LIPE: variants seen among roughly 807,000 people sequenced by gnomAD.
LIPE encodes the protein lipase E, hormone sensitive type.
Under a neutral mutation model 88.5 loss-of-function variants are expected in LIPE, and 66 were observed. The ratio of observed to expected loss-of-function variants is 0.75; its 90% CI spans 0.61 to 0.91. The LOEUF is 0.91. LIPE is among the 40% of genes least tolerant of loss of function. The pLI is 0.00. For missense variants in LIPE, 1,346 were observed against 1,434.7 expected (o/e 0.94, Z 1.00); for synonymous variants, 570 against 617.5 (o/e 0.92, Z 1.14).
chr19:42,413,775 T>C (rs2040433147), intron 1 of LIPE, among the ~76,000 whole-genome samples: 1 of 152,214 alleles, frequency 6.6e-6, no homozygotes, highest in African/African-American at 2.4e-5. Context: ...TCCCGGACTG[T>C]CATCCCCCAG....
chr19:42,402,259 T>C (rs2040003551), intron 9 of LIPE, among the ~76,000 whole-genome samples, 184 bp from the exon 10 acceptor site: 1 of 151,796 alleles, frequency 6.6e-6, no homozygotes, highest in Non-Finnish European at 1.5e-5. Flanking sequence ...GGGGGAGTTG[T>C]GGGAAGGATG....
At chr19:42,422,948 C>G (rs2040628464) in intron 1 of LIPE, 1 of 165,828 alleles carries the variant, frequency 6.0e-6, no homozygotes, top group African/African-American at 2.4e-5. Flanking sequence ...CCCCGCTGCA[C>G]TCTCCACTAT....
rs34037140 is a variant in LIPE at position 42,423,786 on chromosome 19, C to T, written c.883+2481G>A. On this transcript the variant is annotated intron_variant, in intron 1 of 9. Transcript: ENST00000244289. ...GGGCTCGCGGCCAACAAAAAGGCAA[C>T]CCCGGGGGTGGCGAAAAGCGTCCTT... 1,740 of 1,110,390 alleles carry T rather than the reference C, an allele frequency of 1.6e-3. 28 individuals are homozygous for T. The African/African-American group carries it at 0.027, about 17-fold the overall frequency. The allele number at this position is 1,110,390 out of a possible 1,614,324, so 68.8% of individuals were successfully genotyped here. A position where few individuals can be genotyped will look rare whatever the true frequency, so the allele number is the denominator to read the frequency against.
At chr19:42,416,744 C>T (rs1258125739) in intron 1 of LIPE, among the ~76,000 whole-genome samples, 1 of 152,188 alleles carries the variant, frequency 6.6e-6, no homozygotes, top group Admixed American at 6.5e-5. Flanking sequence ...ATTTCAAGCC[C>T]ACTGTTGAGA....
At chr19:42,413,187 A>G (rs560885401) in intron 1 of LIPE, among the ~76,000 whole-genome samples, 2 of 152,246 alleles carry the variant, frequency 1.3e-5, no homozygotes, top group Admixed American at 6.5e-5. Flanking sequence ...TAAGATATGC[A>G]CGCCCCCGTT....
chr19:42,408,371 G>A lies in LIPE; in HGVS notation c.1420-49C>T, dbSNP rs754054989. On this transcript the variant is annotated intron_variant, in intron 2 of 9. Coordinates refer to ENST00000244289, the MANE Select transcript of LIPE (RefSeq NM_005357.4). This position sits in a 1 kb window ranked among gnomAD's most constrained non-coding sequence, Gnocchi z 4.3. ...ACCCACCGCTCAAGAGAGGGATGGG[G>A]ACAGGGCAGGAGCGAGGCACAGGGA... 6.8e-7 allele frequency: 1 copy of A among 1,462,200 alleles called. No homozygotes were observed. Among genetic ancestry groups the A allele is most frequent in the South Asian group, 1.1e-5 (1 of 88,024 alleles). 90.6% of individuals were successfully genotyped at this position (1,462,200 alleles called of 1,614,324 possible).
intron 1 of LIPE, chr19:42,423,397 C>T: frequency 7.8e-7 from 1 of 1,288,900 alleles, no homozygotes; most frequent in South Asian, 1.2e-5. Context: ...TTCCGGGCTG[C>T]TGCCGGTCTC....
intron 1 of LIPE, among the ~76,000 whole-genome samples, chr19:42,420,961 C>T (rs941741591): frequency 1.3e-5 from 2 of 152,014 alleles, no homozygotes; most frequent in South Asian, 2.1e-4. Context: ...TAGAGTGGTG[C>T]GATCACAGCT....
chr19:42,422,118 C>A (rs1317920369), intron 1 of LIPE, among the ~76,000 whole-genome samples: 3 of 152,340 alleles, frequency 2.0e-5, no homozygotes, highest in African/African-American at 7.2e-5. Flanking sequence ...AAGGCAGATA[C>A]AGCCCTGCTT....
chr19:42,415,217 G>C (rs921315264), intron 1 of LIPE, among the ~76,000 whole-genome samples: 1 of 152,074 alleles, frequency 6.6e-6, no homozygotes, highest in Non-Finnish European at 1.5e-5. Flanking sequence ...GGAAAATAGA[G>C]CGAGAGTCTG....
intron 1 of LIPE, among the ~76,000 whole-genome samples, chr19:42,420,864 A>G (rs1473509260): frequency 1.3e-5 from 2 of 151,664 alleles, no homozygotes; most frequent in African/African-American, 4.8e-5. Flanking sequence ...AAAGCCCCCA[A>G]TCCTGCACAT....
Position 42,407,783 on chromosome 19 carries a change from G to C in LIPE, c.1665C>G (p.Ala555=). The C allele has an allele frequency of 6.5e-7, 1 of 1,547,270 alleles. No homozygotes were observed. The highest frequency in any genetic ancestry group is 8.7e-7 in the Non-Finnish European group (1 of 1,145,906). Reference sequence around the variant, plus strand: ...CCCTCACGGTGGCCGATGCCATGTTGGCCAGAGACTGGAGGGAGGGGACAG... The same window carrying C: ...CCCTCACGGTGGCCGATGCCATGTTCGCCAGAGACTGGAGGGAGGGGACAG... ...ITEMEVLSSL[A]NMASATVRVS... The change falls in exon 5 of 10, where the codon GCC becomes GCG. Residue 555 remains alanine, a synonymous_variant. Transcript: ENST00000244289. The surrounding 1 kb of genome is among the most constrained non-coding windows in gnomAD (Gnocchi z 5.8).
rs754395328 is a variant in LIPE at position 42,402,672 on chromosome 19, G to C, written c.2902C>G (p.Pro968Ala). ...GGTGCCAGCAGCGGCGACATGAAGG[G>C]GTTCTTGACTATGGGTGAGGAGTAG... ...PLYSSPIVKNPFMSPLLAPDS... is the reference protein window; with the variant it reads ...PLYSSPIVKNAFMSPLLAPDS... Residue 968 changes from proline to alanine, a missense_variant, in exon 9 of 10, where the codon CCC (proline) becomes GCC (alanine). Pro to Ala is a conservative substitution (Grantham distance 27). Transcript: ENST00000244289. The C allele has an allele frequency of 8.0e-6, 12 of 1,505,996 alleles. No homozygotes were observed. The highest frequency in any genetic ancestry group is 9.8e-6 in the Non-Finnish European group (11 of 1,125,510). The allele number at this position is 1,505,996 out of a possible 1,614,324, so 93.3% of individuals were successfully genotyped here. A position where few individuals can be genotyped will look rare whatever the true frequency, so the allele number is the denominator to read the frequency against.
chr19:42,403,341 CTAGA>C (rs1409257375), intron 8 of LIPE, among the ~76,000 whole-genome samples: 2 of 148,842 alleles, frequency 1.3e-5, no homozygotes, highest in African/African-American at 4.9e-5. Context: ...ATTTTTTCTT[CTAGA>C]TCAAGGAAAT....
Position 42,407,279 on chromosome 19 carries a change from TGGG to T in LIPE, c.2029_2031del (p.Pro677del). On this transcript the variant is annotated inframe_deletion, in exon 6 of 10. Coordinates refer to ENST00000244289, the MANE Select transcript of LIPE (RefSeq NM_005357.4). This position sits in a 1 kb window ranked among gnomAD's most constrained non-coding sequence, Gnocchi z 5.8. ...GCCAGGGAGTAGTCGATGGAGATGA[TGGG>T]GGCGCCCAGCTCCTGGGCCCAGCTC... 6.2e-7 allele frequency: 1 copy of T among 1,607,594 alleles called. No individual in the cohort carries two copies. Among genetic ancestry groups the T allele is most frequent in the Non-Finnish European group, 8.5e-7 (1 of 1,177,328 alleles).
In LIPE at chr19:42,406,097, C is replaced by A; in HGVS notation, c.2365+64G>T. Reference sequence around the variant, plus strand: ...CAGTCACAGGAGTCCTGGTCCCCAGCCCGTCCCTGCAGGAGTCAGACATCC... The same window carrying A: ...CAGTCACAGGAGTCCTGGTCCCCAGACCGTCCCTGCAGGAGTCAGACATCC... On this transcript the variant is annotated intron_variant, in intron 7 of 9. Coordinates refer to ENST00000244289, the MANE Select transcript of LIPE (RefSeq NM_005357.4). The surrounding 1 kb of genome is among the most constrained non-coding windows in gnomAD (Gnocchi z 5.7). 1 of 1,422,758 alleles carries A rather than the reference C, an allele frequency of 7.0e-7. No homozygotes were observed. The highest frequency in any genetic ancestry group is 9.7e-7 in the Non-Finnish European group (1 of 1,030,142). The allele number at this position is 1,422,758 out of a possible 1,614,324, so 88.1% of individuals were successfully genotyped here.
At position 42,407,655 on chromosome 19, in the gene LIPE, G is replaced by A. The variant is rs1193594549; in HGVS notation, c.1793C>T (p.Pro598Leu). The change falls in exon 5 of 10, where the codon CCT becomes CTT. Residue 598 changes from proline to leucine, a missense_variant. Coordinates refer to ENST00000244289, the MANE Select transcript of LIPE (RefSeq NM_005357.4). The surrounding 1 kb of genome is among the most constrained non-coding windows in gnomAD (Gnocchi z 5.8). Reference sequence around the variant, plus strand: ...GATGAGCCTGACGAGGACGGGCCCAGGGCCTGTGTGGGCCAGTGGGGGTGA... The same window carrying A: ...GATGAGCCTGACGAGGACGGGCCCAAGGCCTGTGTGGGCCAGTGGGGGTGA... ...TISPPLAHTG[P>L]GPVLVRLISY... 6 of 1,610,086 alleles carry A rather than the reference G, an allele frequency of 3.7e-6. No individual in the cohort carries two copies. Among genetic ancestry groups the A allele is most frequent in the Admixed American group, 1.7e-5 (1 of 59,294 alleles).
intron 1 of LIPE, among the ~76,000 whole-genome samples, chr19:42,415,146 C>T (rs1265774804): frequency 2.6e-5 from 4 of 151,704 alleles, no homozygotes; most frequent in African/African-American, 4.9e-5. Flanking sequence ...GCAGGAGAAT[C>T]GCTTGAACCC....
At chr19:42,421,411 T>A (rs1044073285) in intron 1 of LIPE, among the ~76,000 whole-genome samples, 3 of 152,234 alleles carry the variant, frequency 2.0e-5, no homozygotes, top group Admixed American at 1.3e-4. Context: ...CTCTCAATTC[T>A]ATCTTCCCAG....
Sources: allele counts gnomAD v4.1 joint callset (sites outside exome capture counted in the v4.1 genomes callset), GRCh38; gene constraint gnomAD v4.1.1; non-coding constraint Gnocchi (gnomAD v3.1); transcripts MANE v1.5; gene names NCBI Gene and HGNC (gene_info 2026-07-23, HGNC 2026-07-21).